Variants in TBC1D8B observed in about 807,000 individuals in gnomAD.
TBC1D8B encodes the protein TBC1 domain family member 8B.
Under a neutral mutation model 82.9 loss-of-function variants are expected in TBC1D8B, and 75 were observed. The ratio of observed to expected loss-of-function variants is 0.90; its 90% CI spans 0.75 to 1.10. TBC1D8B has a LOEUF of 1.10. Among genes scored for constraint, TBC1D8B ranks in the 50% least tolerant of loss-of-function variants. The probability of loss-of-function intolerance (pLI) is 0.00; values close to 1 mark genes in which losing one functional copy is unlikely to be tolerated. For missense variants in TBC1D8B, 794 were observed against 796.9 expected, an observed-to-expected ratio of 1.00 and a Z score of 0.04; for synonymous variants, 276 against 276.8, an observed-to-expected ratio of 1.00 and a Z score of 0.03.
At chrX:106,808,174 T>G (rs1931252603) in intron 1 of TBC1D8B, among the ~76,000 whole-genome samples, 1 of 111,905 alleles carries the variant, frequency 8.9e-6, no homozygotes, top group Non-Finnish European at 1.9e-5. Context: ...CTGTTTCTTT[T>G]ATCTTCCTTG....
At chrX:106,810,884 G>A (rs893429065) in intron 1 of TBC1D8B, among the ~76,000 whole-genome samples, 1 of 110,970 alleles carries the variant, frequency 9.0e-6, no homozygotes, top group East Asian at 2.9e-4. Flanking sequence ...GAAAAATGAA[G>A]GATGATTAGT....
intron 19 of TBC1D8B, among the ~76,000 whole-genome samples, chrX:106,870,322 T>G (rs1026597921): frequency 8.9e-6 from 1 of 112,510 alleles, no homozygotes; most frequent in Non-Finnish European, 1.9e-5. Flanking sequence ...TGAGCCACCG[T>G]GCCCAGCCCA....
chrX:106,802,680 T>C lies in TBC1D8B; in HGVS notation c.-174T>C, dbSNP rs767719182. 934 of 617,155 alleles carry C rather than the reference T, an allele frequency of 1.5e-3. No individual in the cohort carries two copies. The highest frequency in any genetic ancestry group is 2.0e-3 in the Non-Finnish European group (829 of 404,647). The allele number at this position is 617,155 out of a possible 1,213,427, so 50.9% of individuals were successfully genotyped here. The stretch of plus-strand genomic sequence containing the variant: ...GCGCTGTGGGAGGGAATTGGCAATC[T>C]CTCTGCCTACGTGGGAGAGAAGGGA... On this transcript the variant is annotated 5_prime_UTR_variant, in exon 1 of 21. Transcript: ENST00000357242.
intron 16 of TBC1D8B, 60 bp from the exon 17 acceptor site, chrX:106,866,737 T>C: frequency 2.3e-6 from 2 of 852,463 alleles, no homozygotes; most frequent in Admixed American, 3.1e-5. Flanking sequence ...TCTTTGTTGC[T>C]GAAATTGATT....
chrX:106,852,759 T>G (rs1450246502), intron 12 of TBC1D8B, among the ~76,000 whole-genome samples: 5 of 110,705 alleles, frequency 4.5e-5, no homozygotes, highest in South Asian at 3.9e-4. Context: ...GGCTCTGTTC[T>G]GTTCCATTGA....
chrX:106,821,634 A>G (rs1396493476), intron 3 of TBC1D8B, among the ~76,000 whole-genome samples: 2 of 111,572 alleles, frequency 1.8e-5, no homozygotes, highest in Non-Finnish European at 3.8e-5. Flanking sequence ...CAAGTCTCCT[A>G]ATATAAAATG....
At chrX:106,851,327 T>G (rs1932581287) in intron 12 of TBC1D8B, among the ~76,000 whole-genome samples, 1 of 111,778 alleles carries the variant, frequency 8.9e-6, no homozygotes, top group Non-Finnish European at 1.9e-5. Context: ...GAGGCGGAGG[T>G]TGTAGTGAGC....
rs753001982 is a variant in TBC1D8B at position 106,826,007 on chromosome X, A to T, written c.828-23A>T. On this transcript the variant is annotated intron_variant, in intron 5 of 20. Transcript: ENST00000357242. The stretch of plus-strand genomic sequence containing the variant: ...ATTTCTAAAAATTCATTTGTGCCTT[A>T]TCCCATTTTTTCTTTCCTACAGAGG... 1.8e-5 allele frequency: 22 copies of T among 1,189,575 alleles called. No homozygotes were observed. The African/African-American group carries it at 2.8e-4, about 15-fold the overall frequency.
chrX:106,835,630 A>G (rs952079788), intron 7 of TBC1D8B, among the ~76,000 whole-genome samples: 15 of 111,995 alleles, frequency 1.3e-4, no homozygotes, highest in Non-Finnish European at 2.4e-4. Context: ...TTCCTCTTGA[A>G]CACTTTGCTG....
At position 106,853,506 on chromosome X, in the gene TBC1D8B, A is replaced by G. The variant is rs1932633654; in HGVS notation, c.2124-15A>G. ...TAGTTCCACTAATTCTTGTATTACT[A>G]TCACTTTTCAATAGGTTCTTTGACA... On this transcript the variant is annotated splice_polypyrimidine_tract_variant and intron_variant, in intron 12 of 20. Coordinates refer to ENST00000357242, the MANE Select transcript of TBC1D8B (RefSeq NM_017752.3). 2.5e-6 allele frequency: 3 copies of G among 1,196,882 alleles called. No homozygotes were observed. The highest frequency in any genetic ancestry group is 1.8e-5 in the African/African-American group (1 of 56,928).
intron 14 of TBC1D8B, among the ~76,000 whole-genome samples, chrX:106,862,776 G>GTTTTTTTTTTTTTTTTTTTTTTT (rs1181091591): frequency 1.9e-4 from 7 of 37,296 alleles, no homozygotes; most frequent in Admixed American, 4.3e-4. Flanking sequence ...GTTTTTTTTT[G>GTTTTTTTTTTTTTTTTTTTTTTT]TTTTTTTTTT....
chrX:106,820,223 A>G (rs1294746873), intron 2 of TBC1D8B, among the ~76,000 whole-genome samples: 2 of 111,310 alleles, frequency 1.8e-5, no homozygotes. Flanking sequence ...CAAAGCAACT[A>G]GGGCTAATAA....
At chrX:106,821,088 A>T (rs907938611) in intron 3 of TBC1D8B, 93 bp downstream of exon 3, 4 of 469,903 alleles carry the variant, frequency 8.5e-6, no homozygotes, top group Non-Finnish European at 1.1e-5. Context: ...TCATTGTTTC[A>T]CTGGCACCTT....
chrX:106,863,445 A>C (rs1412979028), intron 14 of TBC1D8B, among the ~76,000 whole-genome samples: 1 of 111,184 alleles, frequency 9.0e-6, no homozygotes, highest in East Asian at 2.9e-4. Context: ...TAGGAGCCAC[A>C]GTTGGCAAAC....
chrX:106,810,768 T>A (rs760501474), intron 1 of TBC1D8B, among the ~76,000 whole-genome samples: 1 of 111,926 alleles, frequency 8.9e-6, no homozygotes, highest in African/African-American at 3.2e-5. Context: ...CAGATCACAC[T>A]GTGTGCTCCC....
intron 1 of TBC1D8B, among the ~76,000 whole-genome samples, chrX:106,810,904 C>T (rs1310476132): frequency 9.0e-6 from 1 of 111,170 alleles, no homozygotes; most frequent in African/African-American, 3.3e-5. Flanking sequence ...TGTTACCCCC[C>T]CACTTTTTTG....
chrX:106,803,904 G>A (rs192165134), intron 1 of TBC1D8B, among the ~76,000 whole-genome samples: 38 of 111,697 alleles, frequency 3.4e-4, no homozygotes, highest in Non-Finnish European at 6.6e-4. Context: ...TGAAGTGGTA[G>A]ACCAGGCAGC....
chrX:106,826,343 A>G (rs1931844680), intron 6 of TBC1D8B, 106 bp downstream of exon 6: 5 of 595,040 alleles, frequency 8.4e-6, no homozygotes, highest in Middle Eastern at 5.4e-4. Context: ...AAGATGCAAT[A>G]TCCTTTTAGT....
At chrX:106,818,067 AG>A (rs1931592282) in intron 1 of TBC1D8B, among the ~76,000 whole-genome samples, 1 of 111,240 alleles carries the variant, frequency 9.0e-6, no homozygotes, top group Admixed American at 9.6e-5. Flanking sequence ...CCTGTACAGA[AG>A]CATTTTATTT....
Sources: allele counts gnomAD v4.1 joint callset (sites outside exome capture counted in the v4.1 genomes callset), GRCh38; gene constraint gnomAD v4.1.1; transcripts MANE v1.5; gene names NCBI Gene and HGNC (gene_info 2026-07-23, HGNC 2026-07-21).